Variants in ITGAX observed in about 807,000 individuals in gnomAD.
ITGAX encodes integrin subunit alpha X.
Under a neutral mutation model 140.2 loss-of-function variants are expected in ITGAX, and 99 were observed. The observed-to-expected ratio is 0.71, with a 90% confidence interval of 0.60 to 0.83. ITGAX has a LOEUF of 0.83. Among genes scored for constraint, ITGAX ranks in the 40% least tolerant of loss-of-function variants. The pLI is 0.00. For synonymous variants in ITGAX, 631 were observed against 600.4 expected, an observed-to-expected ratio of 1.05 and a Z score of -0.75; for missense variants, 1,444 against 1,482.0, an observed-to-expected ratio of 0.97 and a Z score of 0.42.
Position 31,379,560 on chromosome 16 carries a change from C to T in ITGAX, c.2790-8C>T, listed in dbSNP as rs1407574840. ...GTTCACATCCACTTATGCGTCTTCTCTCTCCAGCCACGAACAATTCACCAA... is the reference window on the plus strand; with the variant it reads ...GTTCACATCCACTTATGCGTCTTCTTTCTCCAGCCACGAACAATTCACCAA... On this transcript the variant is annotated splice_region_variant and splice_polypyrimidine_tract_variant and intron_variant, in intron 23 of 29. Transcript: ENST00000268296. 1.2e-5 allele frequency: 19 copies of T among 1,557,404 alleles called. No homozygotes were observed. The highest frequency in any genetic ancestry group is 1.3e-5 in the Non-Finnish European group (15 of 1,149,512).
intron 23 of ITGAX, 34 bp downstream of exon 23, chr16:31,377,299 C>T (rs766386217): frequency 1.1e-5 from 15 of 1,416,154 alleles, no homozygotes; most frequent in Non-Finnish European, 9.7e-7. Context: ...AAAAAGGGTT[C>T]TTCTCTCTGA....
At position 31,382,433 on chromosome 16, in the gene ITGAX, T is replaced by C; in HGVS notation, c.*526T>C. On this transcript the variant is annotated 3_prime_UTR_variant, in exon 30 of 30. Coordinates refer to ENST00000268296, the MANE Select transcript of ITGAX (RefSeq NM_000887.5). ...GCCCGATCTTTCTAAAATACAGTTC[T>C]GAATATGCTGCTCATCCCCACCTGT... 6.5e-7 allele frequency: 1 copy of C among 1,535,344 alleles called. No individual in the cohort carries two copies. Among genetic ancestry groups the C allele is most frequent in the Non-Finnish European group, 8.7e-7 (1 of 1,146,298 alleles).
chr16:31,357,306 A>C lies in ITGAX; in HGVS notation c.372A>C (p.Gly124=), dbSNP rs776448408. The change falls in exon 5 of 30, where the codon GGA becomes GGC. Residue 124 remains glycine, a synonymous_variant. Coordinates refer to ENST00000268296, the MANE Select transcript of ITGAX (RefSeq NM_000887.5). The part of the protein sequence containing the change: ...HECGRNMYLT[G]LCFLLGPTQL... ...GCGGGAGGAACATGTACCTCACCGG[A>C]CTCTGCTTCCTCCTGGGCCCCACCC... 6.2e-7 allele frequency: 1 copy of C among 1,608,588 alleles called. No homozygotes were observed. The highest frequency in any genetic ancestry group is 8.5e-7 in the Non-Finnish European group (1 of 1,178,284).
chr16:31,376,380 G>C (rs938365539), intron 20 of ITGAX, among the ~76,000 whole-genome samples: 4 of 152,148 alleles, frequency 2.6e-5, no homozygotes, highest in South Asian at 4.1e-4. Flanking sequence ...TAGTGTTTTG[G>C]GGGGACAAGA....
intron 14 of ITGAX, among the ~76,000 whole-genome samples, chr16:31,368,348 A>G (rs1321383958): frequency 4.0e-5 from 6 of 151,864 alleles, no homozygotes; most frequent in African/African-American, 1.5e-4. Context: ...TACTAAAAAA[A>G]TTAGCTGGGT....
intron 23 of ITGAX, among the ~76,000 whole-genome samples, chr16:31,377,600 C>T (rs1022154583): frequency 2.6e-5 from 4 of 152,336 alleles, no homozygotes; most frequent in Admixed American, 6.5e-5. Flanking sequence ...TTCCCACTCT[C>T]ACCTGCACCT....
At position 31,382,050 on chromosome 16, in the gene ITGAX, C is replaced by A; in HGVS notation, c.*143C>A. 1 of 1,442,840 alleles carries A rather than the reference C, an allele frequency of 6.9e-7. No individual in the cohort carries two copies. Among genetic ancestry groups the A allele is most frequent in the South Asian group, 1.5e-5 (1 of 68,650 alleles). 89.4% of individuals were successfully genotyped at this position (1,442,840 alleles called of 1,614,324 possible). On this transcript the variant is annotated 3_prime_UTR_variant, in exon 30 of 30. Coordinates refer to ENST00000268296, the MANE Select transcript of ITGAX (RefSeq NM_000887.5). ...GCTTCCTGTCTTTGGGAGAAAACGTCTTGCTTGGGAAGGGGCCTTTGTCTT... is the reference window on the plus strand; with the variant it reads ...GCTTCCTGTCTTTGGGAGAAAACGTATTGCTTGGGAAGGGGCCTTTGTCTT...
intron 17 of ITGAX, among the ~76,000 whole-genome samples, chr16:31,372,174 G>T (rs555027901): frequency 1.2e-3 from 188 of 151,470 alleles, no homozygotes; most frequent in Non-Finnish European, 2.1e-3. Context: ...CTGGGGGGGG[G>T]GAGGAAAAAA....
intron 4 of ITGAX, 55 bp downstream of exon 4, chr16:31,357,156 C>A (rs2080770536): frequency 2.5e-5 from 39 of 1,569,814 alleles, no homozygotes; most frequent in Non-Finnish European, 3.3e-5. Context: ...GGAGCCGGGG[C>A]CGCGGGGGGC....
At chr16:31,378,969 C>G (rs968224246) in intron 23 of ITGAX, among the ~76,000 whole-genome samples, 2 of 152,160 alleles carry the variant, frequency 1.3e-5, no homozygotes, top group Non-Finnish European at 2.9e-5. Context: ...GCACCTGCCA[C>G]CACACCTGGC....
At chr16:31,373,842 G>A (rs144902316) in intron 20 of ITGAX, among the ~76,000 whole-genome samples, 8 of 152,318 alleles carry the variant, frequency 5.3e-5, no homozygotes, top group African/African-American at 1.9e-4. Flanking sequence ...TGGAATGAAA[G>A]CAGCCATTGA....
rs756238556 is a variant in ITGAX at position 31,362,974 on chromosome 16, G to A, written c.1399G>A (p.Val467Ile). 3.2e-5 allele frequency: 52 copies of A among 1,611,796 alleles called. No homozygotes were observed. The highest frequency in any genetic ancestry group is 1.9e-4 in the African/African-American group (14 of 74,816). The part of the protein sequence containing the change: ...YFGASLCSVD[V>I]DSDGSTDLVL... ...CGGGGCCTCCCTCTGCTCCGTGGAC[G>A]TAGACAGCGACGGCAGCACCGACCT... Residue 467 changes from valine (V) to isoleucine (I), a missense_variant, in exon 13 of 30, where the codon GTA becomes ATA. By Grantham distance (29) the Val-to-Ile change is conservative. Coordinates refer to ENST00000268296, the MANE Select transcript of ITGAX (RefSeq NM_000887.5).
At position 31,372,527 on chromosome 16, in the gene ITGAX, G is replaced by A; in HGVS notation, c.2292+18G>A. 6.2e-7 allele frequency: 1 copy of A among 1,611,552 alleles called. No homozygotes were observed. The highest frequency in any genetic ancestry group is 8.5e-7 in the Non-Finnish European group (1 of 1,179,080). ...CGGCCTCCGTGAGTCCTGGCACTGGGTCTCCCAGAGAGGGTGCACAGCGTG... is the reference window on the plus strand; with the variant it reads ...CGGCCTCCGTGAGTCCTGGCACTGGATCTCCCAGAGAGGGTGCACAGCGTG... On this transcript the variant is annotated intron_variant, in intron 18 of 29. Coordinates refer to ENST00000268296, the MANE Select transcript of ITGAX (RefSeq NM_000887.5).
At chr16:31,377,582 C>T (rs571758021) in intron 23 of ITGAX, among the ~76,000 whole-genome samples, 41 of 152,302 alleles carry the variant, frequency 2.7e-4, no homozygotes, top group Non-Finnish European at 5.3e-4. Context: ...TTCTCCTGTG[C>T]CTGGTGTTTC....
intron 8 of ITGAX, chr16:31,360,764 C>T: frequency 2.0e-6 from 1 of 501,042 alleles, no homozygotes; most frequent in South Asian, 2.5e-5. Flanking sequence ...AATTCTGCCA[C>T]CTTGGTCTCC....
chr16:31,362,871 G>C lies in ITGAX; in HGVS notation c.1360-64G>C. The C allele has an allele frequency of 5.0e-6, 8 of 1,607,386 alleles. No individual in the cohort carries two copies. The South Asian group carries it at 8.8e-5, about 18-fold the overall frequency. ...AGGTCCTGGTACCTGGGGAGAGGTG[G>C]GACCTGGCCCACAGGGCTGCCTCTG... On this transcript the variant is annotated intron_variant, in intron 12 of 29. Transcript: ENST00000268296.
At position 31,382,321 on chromosome 16, in the gene ITGAX, C is replaced by T; in HGVS notation, c.*414C>T. ...AGTGCAATGGCGTGATCTCGGCTCA[C>T]TGCAACCTCCGCCTCCCGGGTTCAA... On this transcript the variant is annotated 3_prime_UTR_variant, in exon 30 of 30. Transcript: ENST00000268296. 1 of 1,124,884 alleles carries T rather than the reference C, an allele frequency of 8.9e-7. No individual in the cohort carries two copies. The highest frequency in any genetic ancestry group is 1.2e-6 in the Non-Finnish European group (1 of 816,954). 69.7% of individuals were successfully genotyped at this position (1,124,884 alleles called of 1,614,324 possible).
intron 9 of ITGAX, 62 bp from the exon 10 acceptor site, chr16:31,361,774 G>A: frequency 6.5e-7 from 1 of 1,542,832 alleles, no homozygotes; most frequent in Non-Finnish European, 9.0e-7. Context: ...AAGCTGAAGT[G>A]TTCTTGGACC....
chr16:31,360,275 T>C, intron 7 of ITGAX, 35 bp from the exon 8 acceptor site: 1 of 1,576,674 alleles, frequency 6.3e-7, no homozygotes, highest in South Asian at 1.2e-5. Flanking sequence ...TGTGGTTTGG[T>C]TCACAGGCCT....
Sources: allele counts gnomAD v4.1 joint callset (sites outside exome capture counted in the v4.1 genomes callset), GRCh38; gene constraint gnomAD v4.1.1; transcripts MANE v1.5; gene names NCBI Gene and HGNC (gene_info 2026-07-23, HGNC 2026-07-21).